Variants in EPHA7 observed in about 807,000 individuals in gnomAD.
The protein encoded by EPHA7 is EPH receptor A7, also known as ephrin type-A receptor 7.
Under a neutral mutation model 112.6 loss-of-function variants are expected in EPHA7, and 25 were observed. That is an observed-to-expected ratio of 0.22 (90% CI 0.16 to 0.31). EPHA7 has a LOEUF of 0.31. Among genes scored for constraint, EPHA7 ranks in the 10% least tolerant of loss-of-function variants. The pLI, the probability that EPHA7 is intolerant of heterozygous loss-of-function variation, is 1.00. For missense variants in EPHA7, 962 were observed against 1,212.6 expected (o/e 0.79, Z 3.07); for synonymous variants, 437 against 406.5 (o/e 1.07, Z -0.90).
chr6:93,363,532 T>A (rs1191652267), intron 3 of EPHA7, among the ~76,000 whole-genome samples: 1 of 152,026 alleles, frequency 6.6e-6, no homozygotes, highest in African/African-American at 2.4e-5. Context: ...AAACCACACA[T>A]CTACTAGGAT....
At chr6:93,332,703 A>G (rs916394189) in intron 5 of EPHA7, among the ~76,000 whole-genome samples, 9 of 151,734 alleles carry the variant, frequency 5.9e-5, no homozygotes, top group Non-Finnish European at 1.2e-4. Flanking sequence ...CAATTAAGTA[A>G]AAAATATGAT....
chr6:93,325,122 A>T lies in EPHA7; in HGVS notation c.1324+31595T>A, dbSNP rs549435513. Among the ~76,000 whole-genome samples the T allele has an allele frequency of 1.8e-3, 269 of 151,414 alleles. 1 individual carries two copies. Among genetic ancestry groups the T allele is most frequent in the African/African-American group, 6.3e-3 (260 of 41,496 alleles). ...AGTGAAGATTCTACCAGCTGAAGAAATATTTAGAATTGCCAGGAATAATAT... is the reference window on the plus strand; with the variant it reads ...AGTGAAGATTCTACCAGCTGAAGAATTATTTAGAATTGCCAGGAATAATAT... On this transcript the variant is annotated intron_variant, in intron 5 of 16. Transcript: ENST00000369303.
intron 3 of EPHA7, among the ~76,000 whole-genome samples, chr6:93,372,736 T>C (rs543903022): frequency 6.6e-6 from 1 of 152,238 alleles, no homozygotes; most frequent in South Asian, 2.1e-4. Context: ...TGTTTGTTGA[T>C]GAAATGTGTT....
At chr6:93,248,398 G>T (rs933043564) in intron 14 of EPHA7, among the ~76,000 whole-genome samples, 1 of 151,868 alleles carries the variant, frequency 6.6e-6, no homozygotes, top group African/African-American at 2.4e-5. Context: ...AGTTTAAAAA[G>T]TAAATAGATG....
chr6:93,281,956 C>A (rs1019943378), intron 5 of EPHA7, among the ~76,000 whole-genome samples: 1 of 151,570 alleles, frequency 6.6e-6, no homozygotes, highest in African/African-American at 2.4e-5. Flanking sequence ...TTATATATTT[C>A]ATAAAATGTA....
At chr6:93,413,302 A>G (rs1467745381) in intron 2 of EPHA7, among the ~76,000 whole-genome samples, 3 of 151,982 alleles carry the variant, frequency 2.0e-5, no homozygotes, top group Non-Finnish European at 4.4e-5. Flanking sequence ...CTGTTAAGAT[A>G]CTTTGGACTG....
At chr6:93,296,438 T>TAA (rs1562077188) in intron 5 of EPHA7, among the ~76,000 whole-genome samples, 158 of 79,106 alleles carry the variant, frequency 2.0e-3, no homozygotes, top group African/African-American at 5.1e-3. Flanking sequence ...ATATAAAATA[T>TAA]ATAAATATAT....
At chr6:93,393,213 T>C (rs1454322862) in intron 3 of EPHA7, among the ~76,000 whole-genome samples, 1 of 151,904 alleles carries the variant, frequency 6.6e-6, no homozygotes, top group Non-Finnish European at 1.5e-5. Flanking sequence ...AATAACCCTC[T>C]ATTGGCATCT....
chr6:93,323,288 A>G (rs1250474424), intron 5 of EPHA7, among the ~76,000 whole-genome samples: 1 of 151,448 alleles, frequency 6.6e-6, no homozygotes, highest in East Asian at 1.9e-4. Flanking sequence ...CTCAGTGGGG[A>G]CTTAAATACT....
At chr6:93,348,236 G>A (rs1381621389) in intron 5 of EPHA7, among the ~76,000 whole-genome samples, 1 of 151,746 alleles carries the variant, frequency 6.6e-6, no homozygotes, top group Admixed American at 6.6e-5. Flanking sequence ...ATTTCCTTAT[G>A]TATGTTTTAA....
intron 6 of EPHA7, among the ~76,000 whole-genome samples, chr6:93,271,984 C>T (rs1249865299): frequency 6.6e-6 from 1 of 151,786 alleles, no homozygotes; most frequent in Non-Finnish European, 1.5e-5. Context: ...ATGCATTGGG[C>T]TGTGTGGTTT....
At chr6:93,359,872 G>GAGAGAGAGAGAT (rs1166230566) in intron 3 of EPHA7, among the ~76,000 whole-genome samples, 4 of 126,920 alleles carry the variant, frequency 3.2e-5, no homozygotes, top group Non-Finnish European at 7.0e-5. Flanking sequence ...GAGAGAGAGA[G>GAGAGAGAGAGAT]AGAGATAGAT....
chr6:93,255,706 C>T (rs2127856345), intron 13 of EPHA7, 122 bp downstream of exon 13: 1 of 830,104 alleles, frequency 1.2e-6, no homozygotes, highest in East Asian at 2.7e-5. Flanking sequence ...AAAAAAGCAA[C>T]CTCAAAATGC....
At chr6:93,360,314 G>A (rs1776197209) in intron 3 of EPHA7, among the ~76,000 whole-genome samples, 1 of 151,406 alleles carries the variant, frequency 6.6e-6, no homozygotes, top group African/African-American at 2.4e-5. Flanking sequence ...TGTATTATTT[G>A]TAATTCAAAG....
At chr6:93,416,814 G>T (rs534576426) in intron 1 of EPHA7, among the ~76,000 whole-genome samples, 5 of 152,178 alleles carry the variant, frequency 3.3e-5, no homozygotes, top group African/African-American at 1.2e-4. Context: ...GACTGGGGGC[G>T]CGCCCTGACA....
At chr6:93,383,410 T>C (rs935326149) in intron 3 of EPHA7, among the ~76,000 whole-genome samples, 2 of 151,756 alleles carry the variant, frequency 1.3e-5, no homozygotes, top group African/African-American at 4.8e-5. Context: ...TTCCTCAGTT[T>C]AACGTGAGGA....
chr6:93,278,771 T>G (rs73530367), intron 5 of EPHA7, among the ~76,000 whole-genome samples: 237 of 151,952 alleles, frequency 1.6e-3, no homozygotes, highest in African/African-American at 5.4e-3. Flanking sequence ...TTAAGTAGCA[T>G]CATCTCAGAG....
chr6:93,340,470 C>T (rs1174595665), intron 5 of EPHA7, among the ~76,000 whole-genome samples: 1 of 151,784 alleles, frequency 6.6e-6, no homozygotes, highest in Non-Finnish European at 1.5e-5. Flanking sequence ...GAATTTTGAG[C>T]ACCGAAATGA....
intron 5 of EPHA7, among the ~76,000 whole-genome samples, chr6:93,312,356 C>G (rs979725810): frequency 6.6e-6 from 1 of 152,076 alleles, no homozygotes; most frequent in African/African-American, 2.4e-5. Flanking sequence ...GCTGTAGTTT[C>G]TATATCAACA....
Sources: gnomAD v4.1 joint callset for allele counts (sites outside exome capture counted in the v4.1 genomes callset) on GRCh38, gnomAD v4.1.1 for gene constraint, MANE v1.5 for transcripts, NCBI Gene and HGNC (gene_info 2026-07-23, HGNC 2026-07-21) for gene names.